Variants in NKAIN3 observed in about 807,000 individuals in gnomAD.
The protein encoded by NKAIN3 is sodium/potassium transporting ATPase interacting 3, also known as sodium/potassium-transporting ATPase subunit beta-1-interacting protein 3.
A neutral mutation model predicts 30.2 loss-of-function variants in NKAIN3; 25 were observed. The observed-to-expected ratio is 0.83, with a 90% CI of 0.60 to 1.16. The LOEUF (loss-of-function observed/expected upper bound fraction) is 1.16, where lower values mean the gene tolerates loss of function less well. NKAIN3 is among the 50% of genes most tolerant of loss of function. The pLI is 0.00. For synonymous variants in NKAIN3, 91 were observed against 89.6 expected (o/e 1.02, Z -0.09); for missense variants, 225 against 254.1 (o/e 0.89, Z 0.78).
At chr8:62,622,769 T>C (rs535388136) in intron 3 of NKAIN3, among the ~76,000 whole-genome samples, 3 of 152,034 alleles carry the variant, frequency 2.0e-5, no homozygotes, top group African/African-American at 7.2e-5. Flanking sequence ...AAAATCTTTT[T>C]AATTTTTATA....
chr8:62,858,715 A>G (rs937939348), intron 4 of NKAIN3, among the ~76,000 whole-genome samples: 37 of 152,182 alleles, frequency 2.4e-4, no homozygotes, highest in African/African-American at 8.7e-4. Context: ...CACAGGCTGG[A>G]ACAGCTGAGT....
intron 1 of NKAIN3, among the ~76,000 whole-genome samples, chr8:62,411,422 C>T (rs1804234015): frequency 6.6e-6 from 1 of 152,108 alleles, no homozygotes; most frequent in South Asian, 2.1e-4. Flanking sequence ...AGCCACCTAT[C>T]ACAAACCTAC....
chr8:62,837,337 A>G (rs764304341), intron 4 of NKAIN3, among the ~76,000 whole-genome samples: 1 of 152,156 alleles, frequency 6.6e-6, no homozygotes, highest in Non-Finnish European at 1.5e-5. Context: ...TAATGATCAC[A>G]ACTGCTGAAC....
rs1265466990 is a variant in NKAIN3 at position 62,579,632 on chromosome 8, G to T, written c.148G>T (p.Gly50Cys). Residue 50 changes from glycine (G) to cysteine (C), a missense_variant, in exon 2 of 7, where the codon GGT becomes TGT. Transcript: ENST00000623646. ...TCTACACATAATAGTTGTCATATTGGGTTTGTTTGGGACCATTCAGTACAG... is the reference window on the plus strand; with the variant it reads ...TCTACACATAATAGTTGTCATATTGTGTTTGTTTGGGACCATTCAGTACAG... ...NFLHIIVVIL[G>C]LFGTIQYRPR... 1 of 1,608,090 alleles carries T rather than the reference G, an allele frequency of 6.2e-7. No individual in the cohort carries two copies. The highest frequency in any genetic ancestry group is 8.5e-7 in the Non-Finnish European group (1 of 1,175,852).
intron 1 of NKAIN3, among the ~76,000 whole-genome samples, chr8:62,258,719 A>C (rs778370324): frequency 6.6e-6 from 1 of 152,188 alleles, no homozygotes; most frequent in Non-Finnish European, 1.5e-5. Context: ...ATCATTCGTT[A>C]AAAATAAAAA....
intron 5 of NKAIN3, among the ~76,000 whole-genome samples, chr8:62,948,340 C>CA (rs1299085636): frequency 2.0e-5 from 3 of 152,008 alleles, no homozygotes; most frequent in African/African-American, 7.2e-5. Flanking sequence ...GCTGAGATTA[C>CA]AGGCACGCGC....
intron 1 of NKAIN3, among the ~76,000 whole-genome samples, chr8:62,266,627 G>T (rs1358114900): frequency 6.6e-6 from 1 of 152,094 alleles, no homozygotes; most frequent in East Asian, 1.9e-4. Context: ...GGCGGGACTC[G>T]ACTCTGGAGG....
chr8:62,434,089 C>T (rs967054375), intron 1 of NKAIN3, among the ~76,000 whole-genome samples: 2 of 152,032 alleles, frequency 1.3e-5, no homozygotes, highest in East Asian at 1.9e-4. Flanking sequence ...AAAGAGAAAA[C>T]GACAAGATCC....
chr8:62,952,395 T>G (rs1402258711), intron 5 of NKAIN3, among the ~76,000 whole-genome samples: 1 of 152,192 alleles, frequency 6.6e-6, no homozygotes. Flanking sequence ...AAATTCAAAG[T>G]GTTTTCAAAA....
chr8:62,406,059 G>A (rs1804055639), intron 1 of NKAIN3, among the ~76,000 whole-genome samples: 1 of 152,090 alleles, frequency 6.6e-6, no homozygotes, highest in Non-Finnish European at 1.5e-5. Flanking sequence ...GTAAAACCAA[G>A]GATAATTTAT....
At chr8:62,710,547 C>T (rs1028719624) in intron 3 of NKAIN3, among the ~76,000 whole-genome samples, 3 of 152,094 alleles carry the variant, frequency 2.0e-5, no homozygotes, top group Admixed American at 6.6e-5. Context: ...TACCCCTGCT[C>T]ACTTTTAGTG....
At chr8:62,417,608 T>C (rs534624057) in intron 1 of NKAIN3, among the ~76,000 whole-genome samples, 1 of 152,322 alleles carries the variant, frequency 6.6e-6, no homozygotes, top group East Asian at 1.9e-4. Context: ...AAGAGTTCTC[T>C]TTTTTCCACA....
Position 62,813,077 on chromosome 8 carries a change from C to T in NKAIN3, c.471+65948C>T, listed in dbSNP as rs574264899. Among the ~76,000 whole-genome samples the T allele has an allele frequency of 4.6e-5, 7 of 151,998 alleles. No homozygotes were observed. In the South Asian group the frequency reaches 6.2e-4, roughly 14 times the overall value. On this transcript the variant is annotated intron_variant, in intron 4 of 6. Transcript: ENST00000623646. ...CTTCTCCACAGTGATATCCAATTTT[C>T]CTGGCACCATTTATTAAAAAGGGTG...
intron 1 of NKAIN3, among the ~76,000 whole-genome samples, chr8:62,552,124 CCTCACTG>C (rs1429465998): frequency 6.6e-6 from 1 of 152,154 alleles, no homozygotes; most frequent in East Asian, 1.9e-4. Context: ...ACAGTGAAGA[CCTCACTG>C]ATTATTGTTT....
chr8:62,423,179 A>G (rs1371536039), intron 1 of NKAIN3, among the ~76,000 whole-genome samples: 1 of 152,102 alleles, frequency 6.6e-6, no homozygotes, highest in East Asian at 1.9e-4. Flanking sequence ...ATGCAAAGAA[A>G]CTAGGAAATG....
At chr8:62,898,219 G>A (rs909267666) in intron 4 of NKAIN3, among the ~76,000 whole-genome samples, 3 of 97,918 alleles carry the variant, frequency 3.1e-5, no homozygotes, top group Non-Finnish European at 6.5e-5. Flanking sequence ...AAGAAAATGG[G>A]AATCAAAGGA....
At chr8:62,440,613 T>G (rs1472552721) in intron 1 of NKAIN3, among the ~76,000 whole-genome samples, 1 of 152,178 alleles carries the variant, frequency 6.6e-6, no homozygotes, top group East Asian at 1.9e-4. Context: ...CAAGTTTTTG[T>G]TACCAAAAAA....
intron 5 of NKAIN3, among the ~76,000 whole-genome samples, chr8:62,934,867 A>C (rs1381776444): frequency 3.3e-5 from 5 of 152,118 alleles, no homozygotes. Context: ...AAGCAATGCC[A>C]GTCAAAAGCT....
chr8:62,440,927 C>A (rs1805304899), intron 1 of NKAIN3, among the ~76,000 whole-genome samples: 1 of 151,978 alleles, frequency 6.6e-6, no homozygotes, highest in Admixed American at 6.6e-5. Context: ...ATGGTTTTTT[C>A]AAATTTTATC....
Sources: allele counts gnomAD v4.1 joint callset (sites outside exome capture counted in the v4.1 genomes callset), GRCh38; gene constraint gnomAD v4.1.1; transcripts MANE v1.5; gene names NCBI Gene and HGNC (gene_info 2026-07-23, HGNC 2026-07-21).